The following MAMLD1 variants were observed in gnomAD, a reference collection of about 807,000 sequenced individuals.
The protein encoded by MAMLD1 is mastermind-like domain-containing protein 1.
MAMLD1 carries 14 observed loss-of-function variants against 45.0 expected under a neutral mutation model. The ratio of observed to expected loss-of-function variants is 0.31; its 90% CI spans 0.21 to 0.49. MAMLD1 has a LOEUF of 0.49. Ranked by LOEUF, MAMLD1 falls within the 20% of genes least tolerant of loss-of-function variation. The pLI is 0.99. For synonymous variants in MAMLD1, 254 were observed against 247.8 expected, an observed-to-expected ratio of 1.02 and a Z score of -0.24; for missense variants, 543 against 603.6, an observed-to-expected ratio of 0.90 and a Z score of 1.05.
intron 5 of MAMLD1, among the ~76,000 whole-genome samples, chrX:150,499,301 G>A (rs1244816792): frequency 1.8e-5 from 2 of 112,235 alleles, no homozygotes; most frequent in Non-Finnish European, 3.8e-5. Context: ...CAAGCTCTCA[G>A]AAGCCAGTGG....
chrX:150,404,084 G>A (rs966700870), intron 1 of MAMLD1, among the ~76,000 whole-genome samples: 1 of 90,036 alleles, frequency 1.1e-5, no homozygotes, highest in South Asian at 4.1e-4. Flanking sequence ...GGGAGGAAAA[G>A]GTAGGAAGGG....
At chrX:150,417,523 C>G (rs1246715335) in intron 1 of MAMLD1, among the ~76,000 whole-genome samples, 1 of 110,143 alleles carries the variant, frequency 9.1e-6, no homozygotes, top group Non-Finnish European at 1.9e-5. Flanking sequence ...GGGCATATAC[C>G]CAGTAATGGG....
intron 2 of MAMLD1, among the ~76,000 whole-genome samples, chrX:150,450,899 C>T (rs917606232): frequency 2.7e-5 from 3 of 112,878 alleles, no homozygotes; most frequent in Non-Finnish European, 5.6e-5. Context: ...CCATGGAGCA[C>T]GCAGCTGTTC....
chrX:150,429,340 T>C (rs1348299328), intron 1 of MAMLD1, among the ~76,000 whole-genome samples: 2 of 93,164 alleles, frequency 2.1e-5, no homozygotes, highest in Admixed American at 1.1e-4. Context: ...AAAAGTTGAT[T>C]GAAAAAAATA....
chrX:150,439,419 A>C (rs1323114878), intron 1 of MAMLD1, among the ~76,000 whole-genome samples: 1 of 111,290 alleles, frequency 9.0e-6, no homozygotes, highest in Non-Finnish European at 1.9e-5. Flanking sequence ...GGTCATGAAG[A>C]TTTACTTCTA....
rs186097922 is a variant in MAMLD1, at chrX:150,391,630, G to C, written c.-64+28100G>C. Among the ~76,000 whole-genome samples the C allele has an allele frequency of 2.3e-3, 261 of 111,159 alleles. 2 individuals carry two copies. Among genetic ancestry groups the C allele is most frequent in the African/African-American group, 8.2e-3 (252 of 30,605 alleles). On this transcript the variant is annotated intron_variant, in intron 1 of 7. Coordinates refer to ENST00000370401, the MANE Select transcript of MAMLD1 (RefSeq NM_005491.5). The stretch of plus-strand genomic sequence containing the variant: ...TGTTTGAAGTGTATTTGTGATTGCT[G>C]GTTGAGCATTTTTATGATGATTTAT...
chrX:150,418,323 C>T lies in MAMLD1; in HGVS notation c.-63-27131C>T, dbSNP rs1307133650. 5.4e-5 allele frequency among the ~76,000 whole-genome samples: 6 copies of T among 110,762 alleles called. No individual in the cohort carries two copies. The South Asian group carries it at 1.1e-3, about 21-fold the overall frequency. ...TTTTTATTGCGTCTATTTGATTCTT[C>T]TCTCTTTTCTTCTTTATTAGTCTTG... On this transcript the variant is annotated intron_variant, in intron 1 of 7. Coordinates refer to ENST00000370401, the MANE Select transcript of MAMLD1 (RefSeq NM_005491.5).
Position 150,503,163 on chromosome X carries a change from G to A in MAMLD1, c.2041-111G>A. The A allele has an allele frequency of 4.4e-6, 3 of 678,550 alleles. No homozygotes were observed. The South Asian group carries it at 6.4e-5, about 15-fold the overall frequency. 55.9% of individuals were successfully genotyped at this position (678,550 alleles called of 1,213,427 possible). On this transcript the variant is annotated intron_variant, in intron 5 of 7. Transcript: ENST00000370401. ...TTCGTTCCACCAAAGCAGTTGGTGGGTATAACCACAACACCCAGATGACCC... is the reference window on the plus strand; with the variant it reads ...TTCGTTCCACCAAAGCAGTTGGTGGATATAACCACAACACCCAGATGACCC...
At chrX:150,505,037 G>A (rs1569565053) in intron 6 of MAMLD1, 1 of 752,180 alleles carries the variant, frequency 1.3e-6, no homozygotes. Context: ...CAAGACTGAG[G>A]AGGAGTCAGA....
At chrX:150,430,019 C>CTTTTTTTTTTTTTTTATTTTTT (rs2034866777) in intron 1 of MAMLD1, among the ~76,000 whole-genome samples, 1 of 49,231 alleles carries the variant, frequency 2.0e-5, no homozygotes, top group Non-Finnish European at 3.3e-5. Context: ...TCTTTCTTTT[C>CTTTTTTTTTTTTTTTATTTTTT]TTTTTTTTTT....
rs980314655 is a variant in MAMLD1, at chrX:150,426,385, G to A, written c.-63-19069G>A. ...CACATTTCTTCCCAACATCCAGGCC[G>A]GAAGTCTGGAAAGTAGGAATGGCCT... On this transcript the variant is annotated intron_variant, in intron 1 of 7. Transcript: ENST00000370401. Among the ~76,000 whole-genome samples the A allele has an allele frequency of 8.1e-5, 9 of 111,788 alleles. No homozygotes were observed. In the East Asian group the frequency reaches 8.5e-4, roughly 11 times the overall value.
chrX:150,485,123 G>A (rs1259744511), intron 5 of MAMLD1, among the ~76,000 whole-genome samples: 1 of 110,667 alleles, frequency 9.0e-6, no homozygotes, highest in Non-Finnish European at 1.9e-5. Flanking sequence ...CTTTATTCCT[G>A]CTCCCCTACA....
intron 3 of MAMLD1, among the ~76,000 whole-genome samples, chrX:150,465,433 G>C (rs782019632): frequency 8.9e-6 from 1 of 111,973 alleles, no homozygotes. Flanking sequence ...CATTATCTAG[G>C]GGGTGGGGAG....
chrX:150,391,356 C>CT (rs782060292), intron 1 of MAMLD1, among the ~76,000 whole-genome samples: 78 of 109,737 alleles, frequency 7.1e-4, no homozygotes, highest in Non-Finnish European at 1.3e-3. Context: ...TCTTCTTCTT[C>CT]TTTTTTTTGT....
intron 1 of MAMLD1, among the ~76,000 whole-genome samples, chrX:150,408,320 A>G (rs2034045855): frequency 9.0e-6 from 1 of 111,552 alleles, no homozygotes; most frequent in African/African-American, 3.3e-5. Flanking sequence ...TTTCAGGGGC[A>G]AAAACATTAA....
In MAMLD1 at chrX:150,470,080, G is replaced by T. The variant is rs782478994; in HGVS notation, c.507G>T (p.Val169=). The T allele has an allele frequency of 5.0e-6, 6 of 1,211,787 alleles. No homozygotes were observed. The highest frequency in any genetic ancestry group is 1.8e-5 in the South Asian group (1 of 56,968). The stretch of plus-strand genomic sequence containing the variant: ...CTTACTATGAGAAAATCAACAGCGT[G>T]CCGGCTGTAGACCAGGAGCTTCAAG... The part of the protein sequence containing the change: ...TVPYYEKINS[V]PAVDQELQEL... The change falls in exon 4 of 8, where the codon GTG becomes GTT. Residue 169 remains valine, a synonymous_variant. Coordinates refer to ENST00000370401, the MANE Select transcript of MAMLD1 (RefSeq NM_005491.5).
At chrX:150,481,405 C>G (rs1405655212) in intron 5 of MAMLD1, among the ~76,000 whole-genome samples, 2 of 112,343 alleles carry the variant, frequency 1.8e-5, no homozygotes, top group Non-Finnish European at 3.8e-5. Flanking sequence ...AAATTGGAAC[C>G]CTTGTGCATT....
intron 1 of MAMLD1, among the ~76,000 whole-genome samples, chrX:150,414,573 G>A (rs1232930856): frequency 9.0e-6 from 1 of 111,128 alleles, no homozygotes; most frequent in African/African-American, 3.3e-5. Context: ...TACCACATTT[G>A]CCCCTGAGAT....
intron 1 of MAMLD1, among the ~76,000 whole-genome samples, chrX:150,400,757 C>T (rs1429436796): frequency 2.7e-5 from 3 of 110,164 alleles, no homozygotes; most frequent in South Asian, 3.9e-4. Flanking sequence ...TGCTGGATTA[C>T]GTTTATTGAT....
Sources: gnomAD v4.1 joint callset for allele counts (sites outside exome capture counted in the v4.1 genomes callset) on GRCh38, gnomAD v4.1.1 for gene constraint, MANE v1.5 for transcripts, NCBI Gene and HGNC (gene_info 2026-07-23, HGNC 2026-07-21) for gene names.